DAB1: variants seen among roughly 807,000 people sequenced by gnomAD.
The protein encoded by DAB1 is disabled homolog 1.
DAB1 carries 15 observed loss-of-function variants against 64.6 expected under a neutral mutation model. The ratio of observed to expected loss-of-function variants is 0.23; its 90% CI spans 0.16 to 0.36. DAB1 has a LOEUF of 0.36. Ranked by LOEUF, DAB1 falls within the 10% of genes least tolerant of loss-of-function variation. The pLI is 1.00. For missense variants in DAB1, 596 were observed against 706.7 expected (o/e 0.84, Z 1.78); for synonymous variants, 235 against 251.9 (o/e 0.93, Z 0.64).
rs76000856 is a variant in DAB1 at position 57,439,341 on chromosome 1, C to T, written n.626-148175G>A. On this transcript the variant is annotated intron_variant and non_coding_transcript_variant, in intron 7 of 20. Coordinates refer to the DAB1 transcript ENST00000485760. ...AACAATAATTTGAACAAATATATCC[C>T]TTTTACTATTTAAGCCAGCATTAGT... 9.2e-3 allele frequency among the ~76,000 whole-genome samples: 1,385 copies of T among 151,360 alleles called. 21 individuals are homozygous for T. Among genetic ancestry groups the T allele is most frequent in the African/African-American group, 0.032 (1,329 of 41,172 alleles).
At chr1:57,175,637 T>C (rs560292818) in intron 2 of DAB1, among the ~76,000 whole-genome samples, 1 of 152,286 alleles carries the variant, frequency 6.6e-6, no homozygotes, top group Admixed American at 6.5e-5. Context: ...GCGTATCTGC[T>C]CTGAAATAAT....
At chr1:57,420,138 A>G (rs1237911388) in intron 1 of DAB1, among the ~76,000 whole-genome samples, 1 of 152,240 alleles carries the variant, frequency 6.6e-6, no homozygotes, top group Non-Finnish European at 1.5e-5. Context: ...ATGATAAGGT[A>G]ACACCCATTT....
At chr1:58,460,599 C>G (rs1305564405) in intron 3 of DAB1, among the ~76,000 whole-genome samples, 2 of 152,066 alleles carry the variant, frequency 1.3e-5, no homozygotes, top group Admixed American at 6.5e-5. Context: ...ATTTATTTCT[C>G]ATAACTGTCT....
chr1:57,895,835 G>GT (rs2101988121), intron 5 of DAB1, among the ~76,000 whole-genome samples: 1 of 152,220 alleles, frequency 6.6e-6, no homozygotes, highest in South Asian at 2.1e-4. Flanking sequence ...GCATACTGCT[G>GT]TTTTTAAAAA....
chr1:57,199,584 A>G lies in DAB1; in HGVS notation c.68-54155T>C, dbSNP rs540046558. ...TCATTTCTTCTAAATCTTCTGGTAC[A>G]AGAACAATTCTGACTACAGGGAAAT... is the stretch of plus-strand genomic sequence containing the variant. On this transcript the variant is annotated intron_variant, in intron 2 of 14. Coordinates refer to ENST00000371236, the MANE Select transcript of DAB1 (RefSeq NM_001365792.1). 3.3e-5 allele frequency among the ~76,000 whole-genome samples: 5 copies of G among 152,380 alleles called. 1 individual carries two copies. In the South Asian group the frequency reaches 1.0e-3, roughly 32 times the overall value.
chr1:58,509,531 T>C (rs1016694721), intron 2 of DAB1, among the ~76,000 whole-genome samples: 15 of 127,960 alleles, frequency 1.2e-4, no homozygotes, highest in Non-Finnish European at 1.7e-4. Context: ...GATAAACACC[T>C]ACATTAAAAA....
intron 1 of DAB1, among the ~76,000 whole-genome samples, chr1:57,300,029 T>C (rs370534917): frequency 6.6e-6 from 1 of 152,088 alleles, no homozygotes; most frequent in Non-Finnish European, 1.5e-5. Flanking sequence ...TGCGTGTCTG[T>C]CTCCCCGGCA....
At chr1:57,569,528 A>T (rs1645167328) in intron 7 of DAB1, among the ~76,000 whole-genome samples, 1 of 152,026 alleles carries the variant, frequency 6.6e-6, no homozygotes, top group Admixed American at 6.6e-5. Context: ...GTTCTCACTT[A>T]AAGGTGGGAA....
At position 57,143,806 on chromosome 1, in the gene DAB1, A is replaced by G. The variant is rs17115200; in HGVS notation, c.207+1484T>C. Among the ~76,000 whole-genome samples the G allele has an allele frequency of 7.0e-3, 1,062 of 151,740 alleles. 6 individuals carry two copies. Among genetic ancestry groups the G allele is most frequent in the African/African-American group, 0.019 (779 of 41,422 alleles). On this transcript the variant is annotated intron_variant, in intron 3 of 14. Coordinates refer to ENST00000371236, the MANE Select transcript of DAB1 (RefSeq NM_001365792.1). ...ATTTATGCATTTTACAGGCTTTAATACTTTTACACACCTAACAAGCTTTTT... is the reference window on the plus strand; with the variant it reads ...ATTTATGCATTTTACAGGCTTTAATGCTTTTACACACCTAACAAGCTTTTT...
At chr1:57,602,216 T>G (rs1373815876) in intron 7 of DAB1, among the ~76,000 whole-genome samples, 1 of 152,222 alleles carries the variant, frequency 6.6e-6, no homozygotes, top group Non-Finnish European at 1.5e-5. Context: ...CTAGCTTTTA[T>G]GTCTATGATT....
At chr1:57,822,154 A>G (rs372161111), downstream of DAB1, among the ~76,000 whole-genome samples, 10 of 152,234 alleles carry the variant, frequency 6.6e-5, no homozygotes, top group East Asian at 7.7e-4. Context: ...GAGTGAATTC[A>G]AGGGTAATAC....
At chr1:57,233,520 G>A (rs1400575042) in intron 2 of DAB1, among the ~76,000 whole-genome samples, 5 of 151,864 alleles carry the variant, frequency 3.3e-5, no homozygotes, top group African/African-American at 1.2e-4. Flanking sequence ...CAGCACTTTG[G>A]GAGCCCGAGG....
At chr1:57,451,298 A>G (rs904622856) in intron 7 of DAB1, among the ~76,000 whole-genome samples, 1 of 152,226 alleles carries the variant, frequency 6.6e-6, no homozygotes, top group Non-Finnish European at 1.5e-5. Flanking sequence ...AGACACATGG[A>G]CAAGGTCAAC....
chr1:57,726,243 T>A (rs752758527), intron 6 of DAB1, among the ~76,000 whole-genome samples: 19 of 152,146 alleles, frequency 1.2e-4, no homozygotes, highest in Non-Finnish European at 1.9e-4. Context: ...AGCAGAATAG[T>A]GGCATAAGGA....
intron 1 of DAB1, chr1:58,541,636 A>ACC (rs1278999448): frequency 6.1e-5 from 9 of 148,514 alleles, no homozygotes; most frequent in African/African-American, 2.0e-4. Context: ...AAAAAAAAAA[A>ACC]AAAAACCAAA....
At chr1:57,099,297 A>C (rs1476080659) in intron 4 of DAB1, among the ~76,000 whole-genome samples, 1 of 152,260 alleles carries the variant, frequency 6.6e-6, no homozygotes, top group African/African-American at 2.4e-5. Flanking sequence ...TGATTGTAGG[A>C]ATTTAAAGAA....
chr1:58,475,505 C>T (rs547249102), intron 3 of DAB1, among the ~76,000 whole-genome samples: 1 of 151,622 alleles, frequency 6.6e-6, no homozygotes, highest in African/African-American at 2.4e-5. Flanking sequence ...CACACACACA[C>T]GAATCAGACT....
intron 7 of DAB1, among the ~76,000 whole-genome samples, chr1:57,647,972 T>C (rs1646213483): frequency 1.3e-5 from 2 of 152,212 alleles, no homozygotes; most frequent in Admixed American, 6.5e-5. Context: ...CTATATATTC[T>C]CAACCTCTGT....
At chr1:57,070,912 G>A in intron 7 of DAB1, 111 bp downstream of exon 7, 2 of 949,630 alleles carry the variant, frequency 2.1e-6, no homozygotes, top group Non-Finnish European at 3.4e-6. Flanking sequence ...AATAATCTTG[G>A]TCTCTCTCCA....
Sources: allele counts gnomAD v4.1 joint callset (sites outside exome capture counted in the v4.1 genomes callset), GRCh38; gene constraint gnomAD v4.1.1; transcripts MANE v1.5; gene names NCBI Gene and HGNC (gene_info 2026-07-23, HGNC 2026-07-21).